The following ARNT2 variants were observed in gnomAD, a reference collection of about 807,000 sequenced individuals.
ARNT2 encodes the protein aryl hydrocarbon receptor nuclear translocator 2.
In ARNT2, 36 loss-of-function variants were observed where a neutral mutation model predicts 91.7. That is an observed-to-expected ratio of 0.39 (90% CI 0.30 to 0.52). The LOEUF is 0.52. Ranked by LOEUF, ARNT2 falls within the 20% of genes least tolerant of loss-of-function variation. The pLI is 0.72. For missense variants in ARNT2, 775 were observed against 939.3 expected (o/e 0.83, Z 2.29); for synonymous variants, 365 against 347.1 (o/e 1.05, Z -0.57).
chr15:80,585,106 C>T (rs537942423), intron 17 of ARNT2, among the ~76,000 whole-genome samples: 1 of 152,332 alleles, frequency 6.6e-6, no homozygotes, highest in South Asian at 2.1e-4. Flanking sequence ...TTTCAGGAGT[C>T]AAGCCAAAGC....
intron 3 of ARNT2, among the ~76,000 whole-genome samples, chr15:80,460,873 G>A (rs1241617169): frequency 1.3e-5 from 2 of 152,194 alleles, no homozygotes; most frequent in Admixed American, 1.3e-4. Flanking sequence ...TGACGCTGGG[G>A]AGAGATGGGT....
intron 7 of ARNT2, 31 bp downstream of exon 7, chr15:80,514,007 A>G: frequency 6.3e-7 from 1 of 1,587,310 alleles, no homozygotes; most frequent in Non-Finnish European, 8.7e-7. Context: ...ATATTTTGGG[A>G]CTGTTCTGGT....
intron 5 of ARNT2, among the ~76,000 whole-genome samples, chr15:80,485,552 AG>A (rs1428054559): frequency 1.3e-5 from 2 of 152,188 alleles, no homozygotes; most frequent in African/African-American, 2.4e-5. Context: ...AAAGGCCAGG[AG>A]GGCAACAAGA....
intron 3 of ARNT2, among the ~76,000 whole-genome samples, chr15:80,464,058 A>G (rs1339996820): frequency 2.6e-5 from 4 of 152,182 alleles, no homozygotes; most frequent in Non-Finnish European, 2.9e-5. Context: ...CACTTCTGGG[A>G]TCATAAGCAG....
At chr15:80,441,379 G>T (rs767129463) in intron 1 of ARNT2, 3 of 985,188 alleles carry the variant, frequency 3.0e-6, no homozygotes, top group South Asian at 9.4e-5. Context: ...CTCTGAAAAG[G>T]TAGGGCTGTG....
intron 1 of ARNT2, among the ~76,000 whole-genome samples, chr15:80,413,241 T>C (rs2141555026): frequency 6.6e-6 from 1 of 152,284 alleles, no homozygotes; most frequent in Middle Eastern, 3.4e-3. Context: ...TGAGGCCCCA[T>C]TGTTCTCCCT....
chr15:80,440,387 G>T (rs1189214970), intron 1 of ARNT2, among the ~76,000 whole-genome samples: 3 of 152,182 alleles, frequency 2.0e-5, no homozygotes, highest in Non-Finnish European at 2.9e-5. Flanking sequence ...GGAATTACTG[G>T]TTACCCATCT....
At chr15:80,493,458 T>G (rs1033724228) in intron 5 of ARNT2, among the ~76,000 whole-genome samples, 2 of 152,188 alleles carry the variant, frequency 1.3e-5, no homozygotes, top group African/African-American at 4.8e-5. Flanking sequence ...TACCTGAAGT[T>G]AGTAGGGCCA....
Position 80,591,841 on chromosome 15 carries a change from A to G in ARNT2, c.2055+137A>G, listed in dbSNP as rs1250765834. The G allele has an allele frequency of 3.8e-5, 52 of 1,370,494 alleles. No homozygotes were observed. Among genetic ancestry groups the G allele is most frequent in the Non-Finnish European group, 2.2e-5 (22 of 1,022,216 alleles). The allele number at this position is 1,370,494 out of a possible 1,614,324, so 84.9% of individuals were successfully genotyped here. On this transcript the variant is annotated intron_variant, in intron 18 of 18. Transcript: ENST00000303329. The surrounding 1 kb of genome is among the most constrained non-coding windows in gnomAD (Gnocchi z 5.1). ...GCCCAGCCTGGGCTCGAGGGAGTCCAGGAGTAGAAAGCCCCATCCTACCCA... is the reference window on the plus strand; with the variant it reads ...GCCCAGCCTGGGCTCGAGGGAGTCCGGGAGTAGAAAGCCCCATCCTACCCA...
intron 8 of ARNT2, among the ~76,000 whole-genome samples, chr15:80,522,777 A>G (rs1897572494): frequency 6.7e-6 from 1 of 148,574 alleles, no homozygotes; most frequent in Admixed American, 6.6e-5. Context: ...ATATATATAT[A>G]TATCTGTTTG....
chr15:80,568,950 G>A (rs1193296421), intron 12 of ARNT2, among the ~76,000 whole-genome samples: 2 of 151,618 alleles, frequency 1.3e-5, no homozygotes, highest in Non-Finnish European at 2.9e-5. Context: ...ACACACACGC[G>A]CGTGCACACA....
rs1893402882 is a variant in ARNT2 at position 80,597,903 on chromosome 15, A to C, written c.*4205A>C. On this transcript the variant is annotated 3_prime_UTR_variant, in exon 19 of 19. Transcript: ENST00000303329. ...TAATGTAACTGCCTTTTAAAATTTC[A>C]TTACAATAAAAATGACTTTGCTCTG... The C allele has an allele frequency of 6.5e-6, 1 of 152,730 alleles. No individual in the cohort carries two copies. The highest frequency in any genetic ancestry group is 1.5e-5 in the Non-Finnish European group (1 of 68,086). 9.5% of individuals were successfully genotyped at this position (152,730 alleles called of 1,614,324 possible).
In ARNT2 at chr15:80,404,953, G is replaced by C. The variant is rs1443556394; in HGVS notation, c.31+407G>C. ...GCTGGTGGAGGGCTCCGCGCTGACG[G>C]AGGGAAAAGTTTGGAGCTGGGATTC... On this transcript the variant is annotated intron_variant, in intron 1 of 18. Transcript: ENST00000303329. This position sits in a 1 kb window ranked among gnomAD's most constrained non-coding sequence, Gnocchi z 5.5. Among the ~76,000 whole-genome samples the C allele has an allele frequency of 6.6e-6, 1 of 152,214 alleles. No homozygotes were observed. Among genetic ancestry groups the C allele is most frequent in the African/African-American group, 2.4e-5 (1 of 41,464 alleles).
rs200502873 is a variant in ARNT2, at chr15:80,520,575, AT to A, written c.877+6171del. Reference sequence around the variant, plus strand: ...TCTTACCACAAAAAAAAATAAATAAATAAAAATAAAAAAATACCAACAGACA... The same window carrying A: ...TCTTACCACAAAAAAAAATAAATAAAAAAAATAAAAAAATACCAACAGACA... On this transcript the variant is annotated intron_variant, in intron 8 of 18. Coordinates refer to ENST00000303329, the MANE Select transcript of ARNT2 (RefSeq NM_014862.4). Among the ~76,000 whole-genome samples, 871 of 152,120 alleles carry A rather than the reference AT, an allele frequency of 5.7e-3. 8 individuals carry two copies. Among genetic ancestry groups the A allele is most frequent in the African/African-American group, 0.02 (818 of 41,430 alleles).
intron 2 of ARNT2, among the ~76,000 whole-genome samples, chr15:80,453,825 G>T (rs571224330): frequency 6.6e-6 from 1 of 152,156 alleles, no homozygotes; most frequent in Admixed American, 6.5e-5. Context: ...GTGGTGGAAG[G>T]GGGTAGTGGC....
At chr15:80,528,430 C>T (rs1027615850) in intron 8 of ARNT2, among the ~76,000 whole-genome samples, 2 of 150,670 alleles carry the variant, frequency 1.3e-5, no homozygotes, top group Admixed American at 1.3e-4. Flanking sequence ...TCTATCTATC[C>T]ATCATCTATC....
intron 3 of ARNT2, among the ~76,000 whole-genome samples, chr15:80,458,662 G>C (rs1392455110): frequency 6.6e-6 from 1 of 151,360 alleles, no homozygotes; most frequent in Admixed American, 6.6e-5. Context: ...CCCCATGACT[G>C]TGTCTTTTTT....
chr15:80,575,049 T>G lies in ARNT2; in HGVS notation c.1452T>G (p.Asp484Glu), dbSNP rs1446931815. The change falls in exon 14 of 19, where the codon GAT becomes GAG. Residue 484 changes from aspartate to glutamate, a missense_variant. This residue lies in a region of ARNT2 where 325 missense variants were observed against 359.9 expected (regional missense o/e 0.90). Coordinates refer to ENST00000303329, the MANE Select transcript of ARNT2 (RefSeq NM_014862.4). ...CCGGGAAGTCCGTGGAAAAGGCGGA[T>G]GCAATCTTCTCCCAGGAAAGAGATC... ...HEAGKSVEKA[D>E]AIFSQERDPR... The G allele has an allele frequency of 6.2e-7, 1 of 1,614,090 alleles. No individual in the cohort carries two copies. Among genetic ancestry groups the G allele is most frequent in the Non-Finnish European group, 8.5e-7 (1 of 1,180,034 alleles).
chr15:80,414,244 G>A (rs1895744608), intron 1 of ARNT2, among the ~76,000 whole-genome samples: 1 of 152,206 alleles, frequency 6.6e-6, no homozygotes, highest in African/African-American at 2.4e-5. Flanking sequence ...CCAGGGAGTA[G>A]GGGTGCTACT....
Sources: gnomAD v4.1 joint callset for allele counts (sites outside exome capture counted in the v4.1 genomes callset) on GRCh38, gnomAD v4.1.1 for gene constraint, gnomAD v4.1.1 regional missense constraint, Gnocchi (gnomAD v3.1) non-coding constraint, MANE v1.5 for transcripts, NCBI Gene and HGNC (gene_info 2026-07-23, HGNC 2026-07-21) for gene names.